The following SHISA9 variants were observed in gnomAD, a reference collection of about 807,000 sequenced individuals.
The protein encoded by SHISA9 is shisa family member 9.
In SHISA9, 13 loss-of-function variants were observed where a neutral mutation model predicts 38.0. The ratio of observed to expected loss-of-function variants is 0.34; its 90% CI spans 0.22 to 0.54. SHISA9 has a LOEUF of 0.54. Among genes scored for constraint, SHISA9 ranks in the 20% least tolerant of loss-of-function variants. The pLI is 0.91. For synonymous variants in SHISA9, 275 were observed against 242.0 expected, an observed-to-expected ratio of 1.14 and a Z score of -1.27; for missense variants, 538 against 575.8, an observed-to-expected ratio of 0.93 and a Z score of 0.67.
intron 2 of SHISA9, among the ~76,000 whole-genome samples, chr16:12,929,030 CAT>C (rs2071430041): frequency 1.3e-5 from 2 of 152,180 alleles, no homozygotes; most frequent in Middle Eastern, 6.8e-3. Flanking sequence ...GGCCAAAAAA[CAT>C]AGAAAAAGTG....
At chr16:13,355,088 T>C in the SHISA9 span, among the ~76,000 whole-genome samples, 1 of 149,164 alleles carries the variant, frequency 6.7e-6, no homozygotes, top group Admixed American at 6.7e-5. Flanking sequence ...GAGGCAGGTA[T>C]TGATGATAGG....
chr16:13,149,093 T>C (rs2050474521), intron 2 of SHISA9, among the ~76,000 whole-genome samples: 1 of 152,122 alleles, frequency 6.6e-6, no homozygotes, highest in Admixed American at 6.6e-5. Context: ...GTGGAATAAA[T>C]GTGGGGAAGT....
intron 2 of SHISA9, among the ~76,000 whole-genome samples, chr16:13,169,175 A>C (rs1452838025): frequency 2.0e-5 from 3 of 152,026 alleles, no homozygotes; most frequent in African/African-American, 7.3e-5. Context: ...TGGGATCTTC[A>C]CCCCTCCCAG....
At chr16:13,502,834 G>A in the SHISA9 span, among the ~76,000 whole-genome samples, 8,718 of 152,074 alleles carry the variant, frequency 0.057, 481 homozygotes, top group South Asian at 0.25. Flanking sequence ...CTAAGATCAC[G>A]CCACCACACT....
At chr16:13,447,956 C>T in the SHISA9 span, among the ~76,000 whole-genome samples, 2 of 152,176 alleles carry the variant, frequency 1.3e-5, no homozygotes, top group African/African-American at 4.8e-5. Flanking sequence ...GGGTGACGAT[C>T]ATGTGCTCCA....
At chr16:13,261,647 C>G in the SHISA9 span, among the ~76,000 whole-genome samples, 3 of 152,182 alleles carry the variant, frequency 2.0e-5, no homozygotes, top group Admixed American at 1.3e-4. Flanking sequence ...TCCAGACCCA[C>G]TGTTTACAAA....
chr16:13,472,462 G>A, the SHISA9 span, among the ~76,000 whole-genome samples: 2 of 130,560 alleles, frequency 1.5e-5, no homozygotes, highest in African/African-American at 5.9e-5. Flanking sequence ...AACAATCTCG[G>A]CTCACTCCAA....
At chr16:13,376,000 A>T in the SHISA9 span, among the ~76,000 whole-genome samples, 20 of 152,098 alleles carry the variant, frequency 1.3e-4, no homozygotes, top group Admixed American at 1.3e-3. Context: ...AAATTGGAAA[A>T]CTCACGTTTT....
At chr16:12,967,384 G>A (rs2141802382) in intron 2 of SHISA9, among the ~76,000 whole-genome samples, 1 of 152,158 alleles carries the variant, frequency 6.6e-6, no homozygotes, top group Middle Eastern at 3.4e-3. Context: ...ACAGGAAGGG[G>A]AACATCACAT....
In SHISA9 at chr16:12,987,954, G is replaced by A. The variant is rs561830599; in HGVS notation, c.691+71139G>A. 2.7e-3 allele frequency among the ~76,000 whole-genome samples: 408 copies of A among 152,282 alleles called. 1 individual carries two copies. Among genetic ancestry groups the A allele is most frequent in the African/African-American group, 9.1e-3 (379 of 41,550 alleles). ...AAAGAAGCCATAATTCACCCCAGGGGGCTGGTCTCCAGTGTTCCTATTCTT... is the reference window on the plus strand; with the variant it reads ...AAAGAAGCCATAATTCACCCCAGGGAGCTGGTCTCCAGTGTTCCTATTCTT... On this transcript the variant is annotated intron_variant, in intron 2 of 4. Transcript: ENST00000558583.
At chr16:13,430,802 C>T in the SHISA9 span, among the ~76,000 whole-genome samples, 6 of 151,534 alleles carry the variant, frequency 4.0e-5, no homozygotes, top group Non-Finnish European at 8.8e-5. Flanking sequence ...GCCTGTAGTC[C>T]CAGCTACTTG....
the SHISA9 span, among the ~76,000 whole-genome samples, chr16:13,273,435 T>A: frequency 6.6e-6 from 1 of 152,280 alleles, no homozygotes. Flanking sequence ...TGATAGCGAA[T>A]AAGTCTCATG....
intron 2 of SHISA9, among the ~76,000 whole-genome samples, chr16:13,096,128 T>A (rs2073824182): frequency 6.6e-6 from 1 of 152,246 alleles, no homozygotes; most frequent in Admixed American, 6.5e-5. Context: ...CCTCTATTTC[T>A]ATGTCTATGA....
chr16:13,188,006 T>A (rs2050844788), intron 2 of SHISA9, among the ~76,000 whole-genome samples: 1 of 152,172 alleles, frequency 6.6e-6, no homozygotes, highest in Admixed American at 6.5e-5. Flanking sequence ...GTGGGGGAAG[T>A]GTGCTGTGTT....
At chr16:13,090,185 G>A (rs545137200) in intron 2 of SHISA9, among the ~76,000 whole-genome samples, 1 of 152,244 alleles carries the variant, frequency 6.6e-6, no homozygotes, top group South Asian at 2.1e-4. Flanking sequence ...TGTGATTTCT[G>A]TTCTTTTACA....
chr16:13,245,898 G>A, the SHISA9 span, among the ~76,000 whole-genome samples: 2 of 152,124 alleles, frequency 1.3e-5, no homozygotes, highest in African/African-American at 4.8e-5. Flanking sequence ...TCTGGCGCCT[G>A]TTTATTTAAG....
intron 2 of SHISA9, among the ~76,000 whole-genome samples, chr16:13,024,395 G>C (rs899571336): frequency 1.2e-4 from 18 of 152,228 alleles, no homozygotes; most frequent in Non-Finnish European, 5.9e-5. Flanking sequence ...CAGCCCAGTT[G>C]GCCCAGAGCC....
intron 2 of SHISA9, among the ~76,000 whole-genome samples, chr16:13,130,450 C>T (rs1335975701): frequency 6.6e-6 from 1 of 152,088 alleles, no homozygotes; most frequent in East Asian, 1.9e-4. Context: ...TTTGTTTTTG[C>T]TACATGATAC....
the SHISA9 span, among the ~76,000 whole-genome samples, chr16:13,299,373 G>A: frequency 6.6e-6 from 1 of 152,092 alleles, no homozygotes; most frequent in Non-Finnish European, 1.5e-5. Context: ...TCTGAAGCAC[G>A]GAAACGTTAT....
Sources: allele counts gnomAD v4.1 joint callset (sites outside exome capture counted in the v4.1 genomes callset), GRCh38; gene constraint gnomAD v4.1.1; transcripts MANE v1.5; gene names NCBI Gene and HGNC (gene_info 2026-07-23, HGNC 2026-07-21).